TGM4: variants seen among roughly 807,000 people sequenced by gnomAD.
The protein encoded by TGM4 is transglutaminase 4, also known as protein-glutamine gamma-glutamyltransferase 4.
In TGM4, 61 loss-of-function variants were observed where a neutral mutation model predicts 76.3. The observed-to-expected ratio is 0.80, with a 90% CI of 0.65 to 0.99. The LOEUF is 0.99. Ranked by LOEUF, TGM4 falls within the 50% of genes least tolerant of loss-of-function variation. The pLI is 0.00. For synonymous variants in TGM4, 337 were observed against 329.8 expected (o/e 1.02, Z -0.24); for missense variants, 794 against 843.2 (o/e 0.94, Z 0.72).
Position 44,910,994 on chromosome 3 carries a change from A to G in TGM4, c.1643A>G (p.Tyr548Cys). The G allele has an allele frequency of 6.2e-7, 1 of 1,614,186 alleles. No individual in the cohort carries two copies. Among genetic ancestry groups the G allele is most frequent in the Non-Finnish European group, 8.5e-7 (1 of 1,180,038 alleles). Reference sequence around the variant, plus strand: ...ACTCTGACCTTGGACTCCAAGACCTACATCAACAGCCTGGCTATATTAGAT... The same window carrying G: ...ACTCTGACCTTGGACTCCAAGACCTGCATCAACAGCCTGGCTATATTAGAT... ...EVTLTLDSKT[Y>C]INSLAILDDE... The change falls in exon 12 of 14, where the codon TAC becomes TGC. Residue 548 changes from tyrosine (Y) to cysteine (C), a missense_variant. By Grantham distance (194) the Tyr-to-Cys change is radical (BLOSUM62 -2). Transcript: ENST00000296125.
intron 1 of TGM4, among the ~76,000 whole-genome samples, chr3:44,884,659 G>C (rs542140008): frequency 6.6e-6 from 1 of 152,264 alleles, no homozygotes; most frequent in East Asian, 1.9e-4. Context: ...TATAATGCAA[G>C]TAGTCTTGGC....
chr3:44,911,124 A>G lies in TGM4; in HGVS notation c.1773A>G (p.Ile591Met), dbSNP rs1305582039. 6.2e-7 allele frequency: 1 copy of G among 1,614,026 alleles called. No individual in the cohort carries two copies. Among genetic ancestry groups the G allele is most frequent in the South Asian group, 1.1e-5 (1 of 91,070 alleles). ...FTSFQYPEFS[I>M]ELPNTGRIGQ... is the part of the protein sequence containing the mutation. ...CTTTCCAGTACCCTGAGTTCTCTAT[A>G]GAGGTGAGCTTCCTGCAGGCCATAA... Residue 591 changes from isoleucine (I) to methionine (M), a missense_variant, in exon 12 of 14, where the codon ATA (isoleucine) becomes ATG (methionine). Coordinates refer to ENST00000296125, the MANE Select transcript of TGM4 (RefSeq NM_003241.4).
At chr3:44,910,597 A>G (rs897011741) in intron 11 of TGM4, among the ~76,000 whole-genome samples, 3 of 152,202 alleles carry the variant, frequency 2.0e-5, no homozygotes, top group Non-Finnish European at 2.9e-5. Flanking sequence ...TCGTAGAGTT[A>G]TAAATTAGGG....
intron 5 of TGM4, among the ~76,000 whole-genome samples, chr3:44,896,078 C>G (rs1309093542): frequency 1.3e-5 from 2 of 151,978 alleles, no homozygotes; most frequent in Non-Finnish European, 2.9e-5. Flanking sequence ...AATTTTGTAG[C>G]CTGTTTCATT....
intron 10 of TGM4, among the ~76,000 whole-genome samples, chr3:44,907,508 T>C (rs1023773258): frequency 6.6e-6 from 1 of 151,930 alleles, no homozygotes; most frequent in Admixed American, 6.6e-5. Flanking sequence ...CAAATCCTAA[T>C]TGAGGCCTTT....
intron 2 of TGM4, 83 bp downstream of exon 2, chr3:44,885,581 G>A: frequency 6.8e-7 from 1 of 1,470,058 alleles, no homozygotes; most frequent in Non-Finnish European, 9.2e-7. Context: ...TTTCTGGTCA[G>A]TCTGAGCCAG....
chr3:44,878,212 A>G (rs1699474970), intron 1 of TGM4, among the ~76,000 whole-genome samples: 1 of 151,900 alleles, frequency 6.6e-6, no homozygotes, highest in South Asian at 2.1e-4. Flanking sequence ...GTTAGGAGAT[A>G]AATTTCAAGA....
intron 1 of TGM4, among the ~76,000 whole-genome samples, chr3:44,882,698 A>G (rs1699550713): frequency 1.3e-5 from 2 of 152,234 alleles, no homozygotes; most frequent in South Asian, 4.1e-4. Context: ...AATCCAGGAT[A>G]ATATAATCAC....
Position 44,901,825 on chromosome 3 carries a change from G to GT in TGM4, c.866dup (p.Thr290AspfsTer21), listed in dbSNP as rs1405228618. The GT allele has an allele frequency of 1.9e-6, 3 of 1,614,026 alleles. No individual in the cohort carries two copies. The highest frequency in any genetic ancestry group is 2.5e-6 in the Non-Finnish European group (3 of 1,180,022). The stretch of plus-strand genomic sequence containing the variant: ...AGCGTTGGGCATCCCAGCACGCAGT[G>GT]TGACAGGCTTCGATTCAGCTCACGA... On this transcript the variant is annotated frameshift_variant, in exon 8 of 14. Coordinates refer to ENST00000296125, the MANE Select transcript of TGM4 (RefSeq NM_003241.4). LOFTEE classifies it high-confidence loss of function.
In TGM4 at chr3:44,907,061, G is replaced by A. The variant is rs753486355; in HGVS notation, c.1188G>A (p.Trp396Ter). 1 of 1,614,046 alleles carries A rather than the reference G, an allele frequency of 6.2e-7. No individual in the cohort carries two copies. The highest frequency in any genetic ancestry group is 1.3e-5 in the African/African-American group (1 of 74,900). The change falls in exon 10 of 14, where the codon TGG becomes TGA. Residue 396 changes from tryptophan (W) to a stop codon, truncating the protein, a stop_gained. Transcript: ENST00000296125. LOFTEE classifies it high-confidence loss of function. ...AAGTGAATGGTGACAGGCTCATCTG[G>A]TTGGTGAAGATGGTGAATGGGCAGG... ...FSEVNGDRLI[W>*]LVKMVNGQEE...
At chr3:44,887,076 T>A (rs1699618136) in intron 2 of TGM4, among the ~76,000 whole-genome samples, 1 of 152,176 alleles carries the variant, frequency 6.6e-6, no homozygotes, top group Admixed American at 6.5e-5. Context: ...TGTCACATGC[T>A]CTTTGTCATG....
chr3:44,880,901 A>G (rs1699522862), intron 1 of TGM4, among the ~76,000 whole-genome samples: 2 of 152,248 alleles, frequency 1.3e-5, no homozygotes, highest in South Asian at 2.1e-4. Flanking sequence ...TGGTCAGGAC[A>G]AAATCCTGAA....
chr3:44,905,819 G>C (rs1699914301), intron 9 of TGM4, among the ~76,000 whole-genome samples: 1 of 122,908 alleles, frequency 8.1e-6, no homozygotes, highest in Non-Finnish European at 1.7e-5. Flanking sequence ...GGAGGAGCAG[G>C]TGATATGCCC....
rs1404903157 is a variant in TGM4 at position 44,910,434 on chromosome 3, T to C, written c.1606+66T>C. 8 of 1,550,776 alleles carry C rather than the reference T, an allele frequency of 5.2e-6. 1 individual carries two copies. Among genetic ancestry groups the C allele is most frequent in the Non-Finnish European group, 7.0e-6 (8 of 1,146,814 alleles). The stretch of plus-strand genomic sequence containing the variant: ...GGGTCCCACAATCTGAAATCCCTCT[T>C]CTCCTCTGTGGACAACTTCCATACA... On this transcript the variant is annotated intron_variant, in intron 11 of 13. Coordinates refer to ENST00000296125, the MANE Select transcript of TGM4 (RefSeq NM_003241.4).
At chr3:44,898,546 A>T (rs1052858130) in intron 6 of TGM4, among the ~76,000 whole-genome samples, 21 of 152,172 alleles carry the variant, frequency 1.4e-4, no homozygotes, top group Non-Finnish European at 8.8e-5. Context: ...GCCAGTGAGG[A>T]CCACTCTCCA....
At position 44,911,077 on chromosome 3, in the gene TGM4, A is replaced by G; in HGVS notation, c.1726A>G (p.Met576Val). The G allele has an allele frequency of 6.2e-7, 1 of 1,614,184 alleles. No homozygotes were observed. The highest frequency in any genetic ancestry group is 1.1e-5 in the South Asian group (1 of 91,072). ...GGAAATTGTGGAGTCTAAGGAAATCATGGCCTCTGAAGTATTCACGTCTTT... is the reference window on the plus strand; with the variant it reads ...GGAAATTGTGGAGTCTAAGGAAATCGTGGCCTCTGAAGTATTCACGTCTTT... ...IAEIVESKEI[M>V]ASEVFTSFQY... The change falls in exon 12 of 14, where the codon ATG becomes GTG. Residue 576 changes from methionine to valine, a missense_variant. Transcript: ENST00000296125.
At chr3:44,902,599 A>AAAAAAC (rs1297545315) in intron 8 of TGM4, among the ~76,000 whole-genome samples, 4 of 152,058 alleles carry the variant, frequency 2.6e-5, no homozygotes, top group Admixed American at 2.0e-4. Flanking sequence ...ACTCCCTCTC[A>AAAAAAC]AAAAACAAAA....
At chr3:44,890,467 C>T (rs1699676297) in intron 3 of TGM4, 136 bp from the exon 4 acceptor site, 1 of 1,301,238 alleles carries the variant, frequency 7.7e-7, no homozygotes, top group African/African-American at 1.5e-5. Context: ...GTCCAGGGTC[C>T]TGACCATTCC....
At chr3:44,878,954 G>A (rs183515074) in intron 1 of TGM4, among the ~76,000 whole-genome samples, 78 of 151,992 alleles carry the variant, frequency 5.1e-4, no homozygotes, top group South Asian at 8.3e-4. Context: ...CCAAGACTCC[G>A]CGTCTCTAAA....
Sources: gnomAD v4.1 joint callset for allele counts (sites outside exome capture counted in the v4.1 genomes callset) on GRCh38, gnomAD v4.1.1 for gene constraint, MANE v1.5 for transcripts, NCBI Gene and HGNC (gene_info 2026-07-23, HGNC 2026-07-21) for gene names.